The following CD1B variants were observed in gnomAD, a reference collection of about 807,000 sequenced individuals.
The protein encoded by CD1B is CD1b molecule, also known as T-cell surface glycoprotein CD1b.
CD1B carries 43 observed loss-of-function variants against 39.8 expected under a neutral mutation model. The ratio of observed to expected loss-of-function variants is 1.08; its 90% CI spans 0.85 to 1.39. The LOEUF (loss-of-function observed/expected upper bound fraction) is 1.39, where lower values mean the gene tolerates loss of function less well. Among genes scored for constraint, CD1B ranks in the 40% most tolerant of loss-of-function variants. CD1B has a pLI of 0.00. For synonymous variants in CD1B, 192 were observed against 152.5 expected, an observed-to-expected ratio of 1.26 and a Z score of -1.91; for missense variants, 495 against 403.8, an observed-to-expected ratio of 1.23 and a Z score of -1.94.
the CD1B span, among the ~76,000 whole-genome samples, chr1:158,315,413 A>G: frequency 1.3e-5 from 2 of 151,820 alleles, no homozygotes; most frequent in Non-Finnish European, 2.9e-5. Context: ...GCCAGTGATG[A>G]TGAGCATTTT....
the CD1B span, among the ~76,000 whole-genome samples, chr1:158,321,826 G>A: frequency 6.6e-6 from 1 of 152,082 alleles, no homozygotes; most frequent in African/African-American, 2.4e-5. Flanking sequence ...ATAGGAAAAC[G>A]TGTGCCATGG....
the CD1B span, among the ~76,000 whole-genome samples, chr1:158,320,539 C>G: frequency 6.6e-6 from 1 of 152,140 alleles, no homozygotes; most frequent in Non-Finnish European, 1.5e-5. Flanking sequence ...TGCGCACCCA[C>G]TGACCTGCAC....
At chr1:158,308,826 C>T in the CD1B span, among the ~76,000 whole-genome samples, 3 of 152,036 alleles carry the variant, frequency 2.0e-5, no homozygotes, top group Non-Finnish European at 4.4e-5. Context: ...ATACAAAAAT[C>T]AATTCAAGAT....
chr1:158,325,509 A>G (rs1261035305), downstream of CD1B, among the ~76,000 whole-genome samples: 1 of 152,228 alleles, frequency 6.6e-6, no homozygotes, highest in Non-Finnish European at 1.5e-5. Flanking sequence ...AACATTTAAA[A>G]ATAAAGATGT....
the CD1B span, among the ~76,000 whole-genome samples, chr1:158,301,178 G>T: frequency 1.3e-5 from 2 of 151,882 alleles, no homozygotes; most frequent in African/African-American, 4.8e-5. Context: ...TTGAGCCTAT[G>T]TGTGTCTCTG....
chr1:158,308,100 C>A, the CD1B span, among the ~76,000 whole-genome samples: 1 of 152,118 alleles, frequency 6.6e-6, no homozygotes, highest in Non-Finnish European at 1.5e-5. Flanking sequence ...CGTCTCAGCC[C>A]CAAATCTCCT....
downstream of CD1B, among the ~76,000 whole-genome samples, chr1:158,324,333 A>G (rs772206535): frequency 1.3e-5 from 2 of 151,912 alleles, no homozygotes; most frequent in Non-Finnish European, 2.9e-5. Context: ...TTCACAGATT[A>G]CTCCCTGATT....
chr1:158,310,250 C>T, the CD1B span, among the ~76,000 whole-genome samples: 2 of 152,086 alleles, frequency 1.3e-5, no homozygotes, highest in Non-Finnish European at 2.9e-5. Flanking sequence ...TGGTGTTGTG[C>T]TAACTGGCTA....
In CD1B at chr1:158,329,969, C is replaced by T. The variant is rs771926062; in HGVS notation, c.490G>A (p.Ala164Thr). The change falls in exon 3 of 6, where the codon GCA (alanine) becomes ACA (threonine). Residue 164 changes from alanine (A) to threonine (T), a missense_variant. Transcript: ENST00000368168. ...ATACCTTGATATTGTATGATTAGTG[C>T]ACAGAATTTCTGTGCCCTGCTGCCA... Reference protein sequence around the residue: ...EGGSRAQKFCALIIQYQGIME... With the variant: ...EGGSRAQKFCTLIIQYQGIME... 1 of 1,613,900 alleles carries T rather than the reference C, an allele frequency of 6.2e-7. No homozygotes were observed. Among genetic ancestry groups the T allele is most frequent in the Admixed American group, 1.7e-5 (1 of 59,976 alleles).
the CD1B span, among the ~76,000 whole-genome samples, chr1:158,298,617 TTTC>T: frequency 1.3e-3 from 203 of 152,322 alleles, no homozygotes; most frequent in Middle Eastern, 3.4e-3. Context: ...GTATGGCCAT[TTTC>T]ACGATATTGA....
At chr1:158,302,748 C>G in the CD1B span, among the ~76,000 whole-genome samples, 1 of 151,920 alleles carries the variant, frequency 6.6e-6, no homozygotes, top group African/African-American at 2.4e-5. Context: ...AAATTGAAAC[C>G]CTGAACAGAT....
downstream of CD1B, among the ~76,000 whole-genome samples, chr1:158,327,724 T>C (rs149127410): frequency 3.4e-3 from 516 of 152,318 alleles, 2 homozygotes; most frequent in Non-Finnish European, 3.9e-3. Context: ...GTTCCTTTTA[T>C]TATAGCACTA....
At chr1:158,312,230 A>T in the CD1B span, among the ~76,000 whole-genome samples, 3 of 152,268 alleles carry the variant, frequency 2.0e-5, no homozygotes, top group African/African-American at 4.8e-5. Context: ...GAGATAATTG[A>T]ATCATGGGGA....
rs1358400822 is a variant in CD1B at position 158,329,981 on chromosome 1, G to T, written c.478C>A (p.Gln160Lys). 5 of 1,613,968 alleles carry T rather than the reference G, an allele frequency of 3.1e-6. No homozygotes were observed. The highest frequency in any genetic ancestry group is 3.4e-6 in the Non-Finnish European group (4 of 1,180,020). The stretch of plus-strand genomic sequence containing the variant: ...TGTATGATTAGTGCACAGAATTTCT[G>T]TGCCCTGCTGCCACCTTCTGGGGAA... Reference protein sequence around the residue: ...VPSPEGGSRAQKFCALIIQYQ... With the variant: ...VPSPEGGSRAKKFCALIIQYQ... The change falls in exon 3 of 6, where the codon CAG (glutamine) becomes AAG (lysine). Residue 160 changes from glutamine (Q) to lysine (K), a missense_variant. By Grantham distance (53) the Gln-to-Lys change is moderately conservative. Coordinates refer to ENST00000368168, the MANE Select transcript of CD1B (RefSeq NM_001764.3).
the CD1B span, among the ~76,000 whole-genome samples, chr1:158,296,897 A>C: frequency 6.6e-6 from 1 of 152,172 alleles, no homozygotes; most frequent in African/African-American, 2.4e-5. Flanking sequence ...ACACAAAATA[A>C]AGAAAAAATA....
At chr1:158,300,749 TC>T in the CD1B span, among the ~76,000 whole-genome samples, 1 of 145,512 alleles carries the variant, frequency 6.9e-6, no homozygotes, top group Non-Finnish European at 1.5e-5. Context: ...CTTCTTTGTC[TC>T]TCTCTCTCTC....
chr1:158,292,133 G>T, the CD1B span: 27 of 1,614,006 alleles, frequency 1.7e-5, no homozygotes, highest in African/African-American at 2.1e-4. Flanking sequence ...ATTCTGGAAA[G>T]AGCCCAGAAG....
chr1:158,329,161 C>T, intron 4 of CD1B, 147 bp from the exon 5 acceptor site: 1 of 906,874 alleles, frequency 1.1e-6, no homozygotes, highest in Non-Finnish European at 1.7e-6. Flanking sequence ...ATCCTTTGAT[C>T]CCCTCTACCC....
chr1:158,321,941 AGT>A, the CD1B span, among the ~76,000 whole-genome samples: 338 of 152,210 alleles, frequency 2.2e-3, 2 homozygotes, highest in African/African-American at 7.9e-3. Flanking sequence ...CTCAGGCCCC[AGT>A]GTGTGTTGCT....
Sources: gnomAD v4.1 joint callset for allele counts (sites outside exome capture counted in the v4.1 genomes callset) on GRCh38, gnomAD v4.1.1 for gene constraint, MANE v1.5 for transcripts, NCBI Gene and HGNC (gene_info 2026-07-23, HGNC 2026-07-21) for gene names.